The following KHDRBS3 variants were observed in gnomAD, a reference collection of about 807,000 sequenced individuals.
KHDRBS3 encodes KH RNA binding domain containing, signal transduction associated 3, also known as KH domain-containing, RNA-binding, signal transduction-associated protein 3.
In KHDRBS3, 23 loss-of-function variants were observed where a neutral mutation model predicts 45.6. The ratio of observed to expected loss-of-function variants is 0.50; its 90% CI spans 0.36 to 0.72. The LOEUF is 0.72. Among genes scored for constraint, KHDRBS3 ranks in the 30% least tolerant of loss-of-function variants. The probability of loss-of-function intolerance (pLI) is 0.00; values close to 1 mark genes in which losing one functional copy is unlikely to be tolerated. For missense variants in KHDRBS3, 352 were observed against 424.8 expected (o/e 0.83, Z 1.51); for synonymous variants, 162 against 156.5 (o/e 1.04, Z -0.26).
In KHDRBS3 at chr8:135,581,961, G is replaced by C; in HGVS notation, c.695G>C (p.Arg232Pro). The C allele has an allele frequency of 6.2e-7, 1 of 1,613,522 alleles. No homozygotes were observed. The highest frequency in any genetic ancestry group is 8.5e-7 in the Non-Finnish European group (1 of 1,179,720). Residue 232 changes from arginine (R) to proline (P), a missense_variant, in exon 6 of 9, where the codon CGA becomes CCA. Arg to Pro is a moderately radical substitution (Grantham distance 103). Transcript: ENST00000355849. Reference sequence around the variant, plus strand: ...ACTCCCAGAGGAGTCCTGTCCACCCGAGGGCCAGTGAGTCGGGGAAGAGGA... The same window carrying C: ...ACTCCCAGAGGAGTCCTGTCCACCCCAGGGCCAGTGAGTCGGGGAAGAGGA... ...TPTPRGVLST[R>P]GPVSRGRGLL...
chr8:135,473,006 A>T (rs1004712699), intron 1 of KHDRBS3, among the ~76,000 whole-genome samples: 2 of 151,164 alleles, frequency 1.3e-5, no homozygotes, highest in African/African-American at 4.9e-5. Flanking sequence ...TGAATTCTGT[A>T]AATTACACCT....
intron 6 of KHDRBS3, among the ~76,000 whole-genome samples, chr8:135,589,294 G>A (rs191962465): frequency 1.3e-5 from 2 of 152,078 alleles, no homozygotes; most frequent in East Asian, 1.9e-4. Context: ...ATCTAACATC[G>A]GATATGCTAC....
intron 6 of KHDRBS3, among the ~76,000 whole-genome samples, chr8:135,601,400 A>G (rs1247284578): frequency 1.3e-5 from 2 of 152,198 alleles, no homozygotes; most frequent in East Asian, 1.9e-4. Context: ...GACGGTTTTC[A>G]TGGGACTCAG....
At chr8:135,569,202 A>T (rs1257715738) in intron 5 of KHDRBS3, among the ~76,000 whole-genome samples, 2 of 152,218 alleles carry the variant, frequency 1.3e-5, no homozygotes, top group African/African-American at 4.8e-5. Context: ...GAAATTCATA[A>T]ATTATTTCAT....
intron 7 of KHDRBS3, among the ~76,000 whole-genome samples, chr8:135,616,159 A>G (rs1320129234): frequency 6.6e-6 from 1 of 152,224 alleles, no homozygotes; most frequent in African/African-American, 2.4e-5. Context: ...TTAATTCCTA[A>G]GAACTTCTGT....
At chr8:135,654,677 C>T (rs555807872) in intron 4 of KHDRBS3, among the ~76,000 whole-genome samples, 1 of 152,248 alleles carries the variant, frequency 6.6e-6, no homozygotes, top group East Asian at 1.9e-4. Context: ...CTGCTGGTCT[C>T]CTCACATTCC....
intron 1 of KHDRBS3, among the ~76,000 whole-genome samples, chr8:135,478,585 A>C (rs538819906): frequency 3.9e-5 from 6 of 152,352 alleles, no homozygotes; most frequent in Non-Finnish European, 8.8e-5. Context: ...AGTTCATAGA[A>C]CAAGCCTCAG....
At chr8:135,481,222 C>CAATA (rs1563709656) in intron 1 of KHDRBS3, among the ~76,000 whole-genome samples, 1 of 34,606 alleles carries the variant, frequency 2.9e-5, no homozygotes, top group Non-Finnish European at 5.0e-5. Context: ...ATGAAAGCCA[C>CAATA]GATATATATA....
rs1175312822 is a variant in KHDRBS3 at position 135,542,475 on chromosome 8, C to T, written c.208-179C>T. ...AAATATATCAGGGTTTTTTATTTTA[C>T]GTTTAGCCCCGTTTTATGTGGTGTG... On this transcript the variant is annotated intron_variant, in intron 2 of 8. Coordinates refer to ENST00000355849, the MANE Select transcript of KHDRBS3 (RefSeq NM_006558.3). 4.0e-5 allele frequency: 20 copies of T among 494,152 alleles called. No individual in the cohort carries two copies. The East Asian group carries it at 4.5e-4, about 11-fold the overall frequency. 30.6% of individuals were successfully genotyped at this position (494,152 alleles called of 1,614,324 possible). A position where few individuals can be genotyped will look rare whatever the true frequency, so the allele number is the denominator to read the frequency against.
chr8:135,545,140 G>A (rs1395946716), intron 3 of KHDRBS3, among the ~76,000 whole-genome samples: 1 of 152,046 alleles, frequency 6.6e-6, no homozygotes, highest in Non-Finnish European at 1.5e-5. Context: ...GGGAGGACTA[G>A]GAGGAAGCTC....
At chr8:135,615,983 GTTTTGT>G (rs1829899508) in intron 7 of KHDRBS3, among the ~76,000 whole-genome samples, 1 of 152,116 alleles carries the variant, frequency 6.6e-6, no homozygotes, top group South Asian at 2.1e-4. Flanking sequence ...AAAATAAGAA[GTTTTGT>G]ATCTTCACCA....
intron 1 of KHDRBS3, among the ~76,000 whole-genome samples, chr8:135,502,891 C>G (rs7017043): frequency 0.092 from 14,003 of 152,228 alleles, 708 homozygotes; most frequent in East Asian, 0.18. Context: ...GTAGTAACCT[C>G]TAGCCACATG....
intron 1 of KHDRBS3, among the ~76,000 whole-genome samples, chr8:135,502,708 G>A (rs144129106): frequency 9.2e-5 from 14 of 152,218 alleles, no homozygotes; most frequent in Middle Eastern, 3.4e-3. Context: ...CCAACCCGTC[G>A]AGCTGCTGCT....
intron 1 of KHDRBS3, among the ~76,000 whole-genome samples, chr8:135,510,996 T>A (rs1015794715): frequency 2.0e-5 from 3 of 152,238 alleles, no homozygotes; most frequent in Non-Finnish European, 1.5e-5. Flanking sequence ...TGTGTTGTAG[T>A]TTCAAAGCAC....
rs16905375 is a variant in KHDRBS3, at chr8:135,482,078, A to G, written c.88+24124A>G. ...TTTGGCACTCAGCATAATGATCTAA[A>G]CAGTAATAGGCACACTGCCAGAATA... On this transcript the variant is annotated intron_variant, in intron 1 of 8. Coordinates refer to ENST00000355849, the MANE Select transcript of KHDRBS3 (RefSeq NM_006558.3). Among the ~76,000 whole-genome samples, 1,521 of 152,308 alleles carry G rather than the reference A, an allele frequency of 1.0e-2. 21 individuals carry two copies. The highest frequency in any genetic ancestry group is 0.032 in the African/African-American group (1,345 of 41,556).
At chr8:135,615,092 A>G (rs935114640) in intron 7 of KHDRBS3, among the ~76,000 whole-genome samples, 16 of 151,794 alleles carry the variant, frequency 1.1e-4, no homozygotes, top group Admixed American at 1.0e-3. Context: ...AAGGAACCTG[A>G]TCAGATACTG....
chr8:135,570,431 A>ATAT (rs1827646284), intron 5 of KHDRBS3, among the ~76,000 whole-genome samples: 1 of 152,226 alleles, frequency 6.6e-6, no homozygotes, highest in Admixed American at 6.5e-5. Flanking sequence ...TGAATAGTTA[A>ATAT]TATTAGGGCC....
chr8:135,632,692 A>G (rs1830654930), intron 7 of KHDRBS3, among the ~76,000 whole-genome samples: 2 of 151,614 alleles, frequency 1.3e-5, no homozygotes, highest in African/African-American at 4.9e-5. Context: ...AAAATTTCCC[A>G]TTTCACTCAA....
At chr8:135,567,949 C>T (rs531704046) in intron 5 of KHDRBS3, among the ~76,000 whole-genome samples, 1 of 152,336 alleles carries the variant, frequency 6.6e-6, no homozygotes, top group African/African-American at 2.4e-5. Flanking sequence ...AGTGTCACCA[C>T]CACTGCTACT....
Sources: gnomAD v4.1 joint callset for allele counts (sites outside exome capture counted in the v4.1 genomes callset) on GRCh38, gnomAD v4.1.1 for gene constraint, MANE v1.5 for transcripts, NCBI Gene and HGNC (gene_info 2026-07-23, HGNC 2026-07-21) for gene names.